NIPA2: variants seen among roughly 807,000 people sequenced by gnomAD.
NIPA2 encodes magnesium transporter NIPA2.
A neutral mutation model predicts 29.7 loss-of-function variants in NIPA2; 11 were observed. That is an observed-to-expected ratio of 0.37 (90% confidence interval 0.23 to 0.61). NIPA2 has a LOEUF of 0.61. NIPA2 is among the 20% of genes least tolerant of loss of function. The pLI is 0.66. For missense variants in NIPA2, 426 were observed against 437.9 expected, an observed-to-expected ratio of 0.97 and a Z score of 0.24; for synonymous variants, 183 against 161.9, an observed-to-expected ratio of 1.13 and a Z score of -0.99.
chr15:22,865,618 A>G (rs1401119100), intron 7 of NIPA2, among the ~76,000 whole-genome samples: 1 of 152,126 alleles, frequency 6.6e-6, no homozygotes, highest in Non-Finnish European at 1.5e-5. Context: ...ATAACAGGGT[A>G]GTTGAGTGCG....
At chr15:22,844,106 C>G (rs1897906808) in intron 2 of NIPA2, among the ~76,000 whole-genome samples, 1 of 152,172 alleles carries the variant, frequency 6.6e-6, no homozygotes, top group Admixed American at 6.5e-5. Context: ...AATACTAGTC[C>G]ATTTTTGCCT....
At chr15:22,865,164 GTTC>G (rs1253632490) in intron 7 of NIPA2, among the ~76,000 whole-genome samples, 1 of 150,840 alleles carries the variant, frequency 6.6e-6, no homozygotes, top group African/African-American at 2.4e-5. Flanking sequence ...CTGGCTTCTT[GTTC>G]TTAATTTTGT....
At position 22,847,098 on chromosome 15, in the gene NIPA2, G is replaced by A. The variant is rs540875549; in HGVS notation, c.-94+1831G>A. On this transcript the variant is annotated intron_variant, in intron 3 of 7. Coordinates refer to ENST00000337451, the MANE Select transcript of NIPA2 (RefSeq NM_030922.7). ...TTTTTGTATTTTTAGTAGAGACAGG[G>A]TTTCTCCATGTTGGTCAGGCTGGTC... Among the ~76,000 whole-genome samples the A allele has an allele frequency of 1.6e-4, 25 of 151,700 alleles. No homozygotes were observed. In the South Asian group the frequency reaches 5.0e-3, roughly 30 times the overall value.
chr15:22,845,289 T>G (rs1012687549), intron 3 of NIPA2, 22 bp downstream of exon 3: 4 of 152,176 alleles, frequency 2.6e-5, no homozygotes, highest in African/African-American at 9.7e-5. Flanking sequence ...TGAGATCACT[T>G]ATTTTCTTGG....
At chr15:22,850,592 A>C (rs557922225) in intron 3 of NIPA2, among the ~76,000 whole-genome samples, 1 of 152,210 alleles carries the variant, frequency 6.6e-6, no homozygotes, top group South Asian at 2.1e-4. Flanking sequence ...TTATTTAACT[A>C]TCTCTTGTCT....
intron 5 of NIPA2, among the ~76,000 whole-genome samples, chr15:22,858,267 G>GC (rs774782069): frequency 5.4e-4 from 82 of 152,228 alleles, no homozygotes; most frequent in Non-Finnish European, 9.0e-4. Flanking sequence ...AGTGGCGAGT[G>GC]CCTGCGGTCC....
Position 22,867,098 on chromosome 15 carries a change from C to T in NIPA2, c.*251C>T, listed in dbSNP as rs888839242. On this transcript the variant is annotated 3_prime_UTR_variant, in exon 8 of 8. Coordinates refer to ENST00000337451, the MANE Select transcript of NIPA2 (RefSeq NM_030922.7). The stretch of plus-strand genomic sequence containing the variant: ...TGTAGAAGTATTTTACATTTTCATC[C>T]CTTCTCCAAAAGCCGAATGCACTAA... The T allele has an allele frequency of 2.5e-5, 12 of 485,872 alleles. No homozygotes were observed. The highest frequency in any genetic ancestry group is 5.3e-4 in the Middle Eastern group (1 of 1,884). The allele number at this position is 485,872 out of a possible 1,614,324, so 30.1% of individuals were successfully genotyped here. A position where few individuals can be genotyped will look rare whatever the true frequency, so the allele number is the denominator to read the frequency against.
intron 4 of NIPA2, among the ~76,000 whole-genome samples, chr15:22,852,248 C>T (rs1595336846): frequency 6.6e-6 from 1 of 152,084 alleles, no homozygotes; most frequent in African/African-American, 2.4e-5. Flanking sequence ...GGGTGGATCA[C>T]CTGAGGTCAG....
intron 3 of NIPA2, among the ~76,000 whole-genome samples, chr15:22,849,352 G>A (rs1308847712): frequency 2.0e-5 from 3 of 151,726 alleles, no homozygotes; most frequent in South Asian, 2.1e-4. Context: ...GAAGCAAGAC[G>A]GGGTCTCCAA....
chr15:22,855,309 C>G (rs552459290), intron 5 of NIPA2, among the ~76,000 whole-genome samples: 18 of 151,754 alleles, frequency 1.2e-4, no homozygotes, highest in African/African-American at 4.4e-4. Context: ...CCCAGCTACT[C>G]GGGAGGCTGA....
intron 5 of NIPA2, 79 bp downstream of exon 5, chr15:22,853,347 C>G (rs1450128075): frequency 5.1e-6 from 4 of 783,554 alleles, no homozygotes; most frequent in Non-Finnish European, 8.4e-6. Context: ...AGCCTCATTA[C>G]TAGCAAGTTT....
intron 2 of NIPA2, among the ~76,000 whole-genome samples, chr15:22,841,407 A>G (rs1897044200): frequency 6.6e-6 from 1 of 152,234 alleles, no homozygotes; most frequent in South Asian, 2.1e-4. Flanking sequence ...ATGGCTCCAG[A>G]TGAAAATAAA....
In NIPA2 at chr15:22,866,560, A is replaced by G. The variant is rs754076619; in HGVS notation, c.796A>G (p.Ile266Val). The G allele has an allele frequency of 3.1e-6, 5 of 1,613,982 alleles. No individual in the cohort carries two copies. The highest frequency in any genetic ancestry group is 1.6e-4 in the Middle Eastern group (1 of 6,084). The change falls in exon 8 of 8, where the codon ATT becomes GTT. Residue 266 changes from isoleucine (I) to valine (V), a missense_variant. Physicochemically the swap from Ile to Val is conservative, Grantham distance 29 (BLOSUM62 3). Around this residue, in one of 3 missense-constraint regions of NIPA2, gnomAD observed 357 missense variants for 339.8 expected, o/e 1.05. Transcript: ENST00000337451. ...FTTSVLTCSA[I>V]LFKEWQDMPV... is the part of the protein sequence containing the mutation. ...AACATCAGTTTTAACTTGTTCAGCT[A>G]TTCTTTTTAAGGAGTGGCAAGATAT... is the stretch of plus-strand genomic sequence containing the variant.
rs1415213093 is a variant in NIPA2 at position 22,866,747 on chromosome 15, A to G, written c.983A>G (p.Tyr328Cys). The change falls in exon 8 of 8, where the codon TAT becomes TGT. Residue 328 changes from tyrosine (Y) to cysteine (C), a missense_variant. Around this residue, in one of 3 missense-constraint regions of NIPA2, gnomAD observed 357 missense variants for 339.8 expected, o/e 1.05. Transcript: ENST00000337451. ...KAMNGNLSNM[Y>C]EVLNNNEESL... ...ATGAATGGCAATCTCTCTAATATGT[A>G]TGAAGTTCTTAATAATAATGAAGAA... The G allele has an allele frequency of 1.2e-5, 20 of 1,613,758 alleles. No homozygotes were observed. The highest frequency in any genetic ancestry group is 1.1e-4 in the East Asian group (5 of 44,886).
At chr15:22,851,900 G>T in intron 4 of NIPA2, 30 bp downstream of exon 4, 1 of 1,597,966 alleles carries the variant, frequency 6.3e-7, no homozygotes, top group South Asian at 1.1e-5. Context: ...ACTTTGAAGT[G>T]ACCTCAGTGT....
chr15:22,855,969 C>T (rs142296739), intron 5 of NIPA2, among the ~76,000 whole-genome samples: 1 of 152,246 alleles, frequency 6.6e-6, no homozygotes, highest in Non-Finnish European at 1.5e-5. Flanking sequence ...CGGTGTGATC[C>T]AAGAATACCA....
intron 2 of NIPA2, among the ~76,000 whole-genome samples, chr15:22,843,033 A>G (rs1290336294): frequency 2.0e-5 from 3 of 151,196 alleles, no homozygotes; most frequent in African/African-American, 7.3e-5. Context: ...TCTAAAAGGT[A>G]GGTTTGGAAC....
At chr15:22,855,061 A>G (rs1405350961) in intron 5 of NIPA2, among the ~76,000 whole-genome samples, 1 of 152,110 alleles carries the variant, frequency 6.6e-6, no homozygotes, top group Non-Finnish European at 1.5e-5. Flanking sequence ...TACCAAATAA[A>G]AATACAAAAA....
intron 2 of NIPA2, among the ~76,000 whole-genome samples, chr15:22,842,731 A>G (rs1204263558): frequency 1.3e-5 from 2 of 152,146 alleles, no homozygotes; most frequent in Non-Finnish European, 2.9e-5. Context: ...CAGGAGGCTG[A>G]GGCAGGAGAA....
Sources: allele counts gnomAD v4.1 joint callset (sites outside exome capture counted in the v4.1 genomes callset), GRCh38; gene constraint gnomAD v4.1.1; regional missense constraint gnomAD v4.1.1; transcripts MANE v1.5; gene names NCBI Gene and HGNC (gene_info 2026-07-23, HGNC 2026-07-21).